ERAP2: variants seen among roughly 807,000 people sequenced by gnomAD.
ERAP2 encodes leukocyte-derived arginine aminopeptidase.
ERAP2 carries 118 observed loss-of-function variants against 111.1 expected under a neutral mutation model. The ratio of observed to expected loss-of-function variants is 1.06; its 90% CI spans 0.92 to 1.24. The LOEUF (loss-of-function observed/expected upper bound fraction) is 1.24. ERAP2 is among the 50% of genes most tolerant of loss of function. The pLI is 0.00. For synonymous variants in ERAP2, 410 were observed against 401.2 expected, an observed-to-expected ratio of 1.02 and a Z score of -0.26; for missense variants, 1,131 against 1,125.8, an observed-to-expected ratio of 1.00 and a Z score of -0.07.
intron 15 of ERAP2, chr5:96,910,367 A>T (rs1786588056): frequency 6.6e-6 from 1 of 151,644 alleles, no homozygotes; most frequent in African/African-American, 2.4e-5. Flanking sequence ...TCCTTTCTTG[A>T]ATTCTTCTTT....
At chr5:96,878,302 G>A (rs1269465138) in intron 1 of ERAP2, among the ~76,000 whole-genome samples, 1 of 151,992 alleles carries the variant, frequency 6.6e-6, no homozygotes, top group Non-Finnish European at 1.5e-5. Context: ...AATAAACTGG[G>A]GATAAATACC....
chr5:96,905,967 C>T (rs2112300112), intron 13 of ERAP2, among the ~76,000 whole-genome samples: 1 of 133,358 alleles, frequency 7.5e-6, no homozygotes, highest in Non-Finnish European at 1.5e-5. Flanking sequence ...TTTGTAGAGA[C>T]AGGGTCTCCC....
At chr5:96,914,905 A>T in intron 17 of ERAP2, among the ~76,000 whole-genome samples, 1 of 150,970 alleles carries the variant, frequency 6.6e-6, no homozygotes, top group Middle Eastern at 3.4e-3. Context: ...ATAAATTTAT[A>T]AACATAAATG....
intron 4 of ERAP2, among the ~76,000 whole-genome samples, chr5:96,887,100 T>TATATATACAC (rs1478213165): frequency 2.5e-4 from 34 of 137,458 alleles, no homozygotes; most frequent in Non-Finnish European, 4.4e-4. Flanking sequence ...TATATATATA[T>TATATATACAC]ACACACACAC....
At chr5:96,907,592 G>A (rs1234276037) in intron 13 of ERAP2, among the ~76,000 whole-genome samples, 3 of 148,602 alleles carry the variant, frequency 2.0e-5, no homozygotes, top group African/African-American at 5.0e-5. Flanking sequence ...TTTTTAATAC[G>A]GCAGACTAGC....
intron 4 of ERAP2, among the ~76,000 whole-genome samples, chr5:96,887,100 T>TATAC (rs1478213165): frequency 1.3e-3 from 175 of 137,402 alleles, no homozygotes; most frequent in South Asian, 3.6e-3. Flanking sequence ...TATATATATA[T>TATAC]ACACACACAC....
intron 15 of ERAP2, among the ~76,000 whole-genome samples, 155 bp from the exon 16 acceptor site, chr5:96,912,482 A>T (rs1210148881): frequency 6.6e-6 from 1 of 152,186 alleles, no homozygotes; most frequent in Non-Finnish European, 1.5e-5. Flanking sequence ...AAGCACATAA[A>T]ATATTTTTAT....
Position 96,895,938 on chromosome 5 carries a change from CTCT to C in ERAP2, c.1240-430_1240-428del, listed in dbSNP as rs554649262. Among the ~76,000 whole-genome samples the C allele has an allele frequency of 4.0e-3, 616 of 152,232 alleles. 5 individuals are homozygous for C. Among genetic ancestry groups the C allele is most frequent in the African/African-American group, 0.014 (578 of 41,538 alleles). ...AGACAGACATGGATTCAAAGTTAGG[CTCT>C]TCTTGTTACTGTGTATGTACTGAAT... On this transcript the variant is annotated intron_variant, in intron 7 of 18. Transcript: ENST00000437043.
At chr5:96,880,952 G>A (rs1410365330) in intron 2 of ERAP2, 1 of 158,456 alleles carries the variant, frequency 6.3e-6, no homozygotes, top group African/African-American at 2.4e-5. Flanking sequence ...TGACTGGGCA[G>A]GGAAGTGTTT....
chr5:96,899,413 G>A (rs1785214442), intron 9 of ERAP2, among the ~76,000 whole-genome samples: 1 of 152,264 alleles, frequency 6.6e-6, no homozygotes, highest in Non-Finnish European at 1.5e-5. Flanking sequence ...GTCACATAAA[G>A]TCAATTCTAA....
Position 96,917,633 on chromosome 5 carries a change from G to A in ERAP2, c.*28G>A, listed in dbSNP as rs759276185. ...GGTCAATAGAAAAAGTAGGCTGGGCGCGGTGGCTCACGCCTGTAATCCCAG... is the reference window on the plus strand; with the variant it reads ...GGTCAATAGAAAAAGTAGGCTGGGCACGGTGGCTCACGCCTGTAATCCCAG... On this transcript the variant is annotated 3_prime_UTR_variant, in exon 19 of 19. Coordinates refer to ENST00000437043, the MANE Select transcript of ERAP2 (RefSeq NM_022350.5). 1.7e-5 allele frequency: 27 copies of A among 1,593,070 alleles called. No individual in the cohort carries two copies. Among genetic ancestry groups the A allele is most frequent in the Admixed American group, 1.7e-5 (1 of 58,484 alleles).
chr5:96,882,407 T>C (rs904274982), intron 2 of ERAP2, among the ~76,000 whole-genome samples: 5 of 152,188 alleles, frequency 3.3e-5, no homozygotes, highest in African/African-American at 1.2e-4. Context: ...TTATGGTTAA[T>C]TAGTCAGTTC....
chr5:96,899,098 A>T (rs1785169221), intron 9 of ERAP2, among the ~76,000 whole-genome samples: 1 of 152,196 alleles, frequency 6.6e-6, no homozygotes. Flanking sequence ...TTTTTGTCAC[A>T]TCATGCTTAT....
chr5:96,876,685 G>T (rs1318979113), intron 1 of ERAP2, among the ~76,000 whole-genome samples, 158 bp downstream of exon 1: 1 of 152,166 alleles, frequency 6.6e-6, no homozygotes, highest in Non-Finnish European at 1.5e-5. Context: ...GTATTAGAAA[G>T]TGTATGCAGT....
chr5:96,896,957 C>G, intron 9 of ERAP2, 94 bp downstream of exon 9: 1 of 1,058,164 alleles, frequency 9.5e-7, no homozygotes. Context: ...TATTGTCAGT[C>G]AACCATATTT....
intron 4 of ERAP2, among the ~76,000 whole-genome samples, chr5:96,887,588 C>T (rs141677881): frequency 6.6e-6 from 1 of 152,144 alleles, no homozygotes; most frequent in Non-Finnish European, 1.5e-5. Context: ...GCGTGAGCCA[C>T]CGTGCCCGAC....
intron 13 of ERAP2, among the ~76,000 whole-genome samples, chr5:96,906,561 C>T (rs937486575): frequency 1.3e-5 from 2 of 152,150 alleles, no homozygotes; most frequent in Non-Finnish European, 2.9e-5. Flanking sequence ...AGCCACTGCA[C>T]CCAGAATGGA....
intron 7 of ERAP2, among the ~76,000 whole-genome samples, chr5:96,895,908 A>G (rs1406828944): frequency 1.3e-5 from 2 of 152,334 alleles, no homozygotes; most frequent in African/African-American, 4.8e-5. Flanking sequence ...AGTCCAGTAC[A>G]CTATAGACAG....
chr5:96,886,380 AT>A (rs1412414554), intron 3 of ERAP2, among the ~76,000 whole-genome samples: 1 of 152,232 alleles, frequency 6.6e-6, no homozygotes, highest in Non-Finnish European at 1.5e-5. Context: ...AATATGTAAT[AT>A]TTTTATGCTT....
Sources: gnomAD v4.1 joint callset for allele counts (sites outside exome capture counted in the v4.1 genomes callset) on GRCh38, gnomAD v4.1.1 for gene constraint, MANE v1.5 for transcripts, NCBI Gene and HGNC (gene_info 2026-07-23, HGNC 2026-07-21) for gene names.